GPSM2: variants seen among roughly 807,000 people sequenced by gnomAD.
GPSM2 encodes the protein G protein signaling modulator 2.
Under a neutral mutation model 78.4 loss-of-function variants are expected in GPSM2, and 58 were observed. The ratio of observed to expected loss-of-function variants is 0.74; its 90% CI spans 0.60 to 0.92. GPSM2 has a LOEUF of 0.92. Ranked by LOEUF, GPSM2 falls within the 40% of genes least tolerant of loss-of-function variation. The probability of loss-of-function intolerance (pLI) is 0.00; values close to 1 mark genes in which losing one functional copy is unlikely to be tolerated. For missense variants in GPSM2, 700 were observed against 815.5 expected, an observed-to-expected ratio of 0.86 and a Z score of 1.73; for synonymous variants, 224 against 280.2, an observed-to-expected ratio of 0.80 and a Z score of 2.00.
intron 11 of GPSM2, among the ~76,000 whole-genome samples, chr1:108,916,602 CATACTA>C (rs1650247998): frequency 6.6e-6 from 1 of 152,194 alleles, no homozygotes; most frequent in African/African-American, 2.4e-5. Context: ...CTTTTAGGAA[CATACTA>C]ATAAGTAGCA....
chr1:108,922,952 G>A (rs993170382), intron 13 of GPSM2, among the ~76,000 whole-genome samples: 4 of 152,096 alleles, frequency 2.6e-5, no homozygotes, highest in African/African-American at 7.2e-5. Flanking sequence ...CAATGATCGC[G>A]TTTGTGAATA....
At chr1:108,899,897 A>C (rs962923172) in intron 7 of GPSM2, among the ~76,000 whole-genome samples, 14 of 152,230 alleles carry the variant, frequency 9.2e-5, no homozygotes, top group African/African-American at 3.4e-4. Flanking sequence ...ACTAATGGTT[A>C]ATATTTGTTG....
chr1:108,897,185 A>G, intron 3 of GPSM2, 100 bp downstream of exon 3: 10 of 899,188 alleles, frequency 1.1e-5, no homozygotes, highest in Non-Finnish European at 1.8e-5. Flanking sequence ...AATACATTTA[A>G]TGAGTTCTAC....
intron 12 of GPSM2, among the ~76,000 whole-genome samples, chr1:108,920,703 A>G (rs1386154586): frequency 6.6e-6 from 1 of 152,118 alleles, no homozygotes; most frequent in African/African-American, 2.4e-5. Flanking sequence ...TATGACTAAT[A>G]AAAGGAAAAA....
chr1:108,903,343 G>T, intron 9 of GPSM2, 109 bp downstream of exon 9: 1 of 686,790 alleles, frequency 1.5e-6, no homozygotes. Flanking sequence ...TAATAAATTT[G>T]ATTATATATC....
At chr1:108,892,746 A>G (rs1648061737) in intron 2 of GPSM2, among the ~76,000 whole-genome samples, 1 of 152,188 alleles carries the variant, frequency 6.6e-6, no homozygotes, top group Non-Finnish European at 1.5e-5. Context: ...CTATTTAATG[A>G]TCTTCTAAAA....
At chr1:108,925,023 G>A (rs527332038) in intron 14 of GPSM2, among the ~76,000 whole-genome samples, 1 of 152,316 alleles carries the variant, frequency 6.6e-6, no homozygotes, top group Non-Finnish European at 1.5e-5. Context: ...GAAGTAGTTA[G>A]CATAGGGCTA....
intron 10 of GPSM2, among the ~76,000 whole-genome samples, chr1:108,908,369 TCAAAAA>T (rs1489047364): frequency 7.5e-6 from 1 of 133,202 alleles, no homozygotes; most frequent in Non-Finnish European, 1.6e-5. Flanking sequence ...AGACTCTGTC[TCAAAAA>T]CAAAAACAAA....
At chr1:108,907,525 A>G (rs567325351) in intron 10 of GPSM2, among the ~76,000 whole-genome samples, 5 of 152,358 alleles carry the variant, frequency 3.3e-5, no homozygotes, top group South Asian at 2.1e-4. Context: ...TAGGTCATCA[A>G]GTTCTTCAGA....
intron 10 of GPSM2, among the ~76,000 whole-genome samples, chr1:108,907,688 A>G (rs1163526121): frequency 6.6e-6 from 1 of 152,228 alleles, no homozygotes; most frequent in African/African-American, 2.4e-5. Flanking sequence ...CCAGGCACTG[A>G]TTTAAGTGCT....
At chr1:108,929,485 A>G in intron 14 of GPSM2, 1 of 583,764 alleles carries the variant, frequency 1.7e-6, no homozygotes, top group Admixed American at 3.0e-5. Flanking sequence ...AAGCCATTTT[A>G]AAGGAAAAAT....
chr1:108,896,722 A>C, intron 2 of GPSM2, 142 bp from the exon 3 acceptor site: 1 of 737,406 alleles, frequency 1.4e-6, no homozygotes, highest in Non-Finnish European at 2.4e-6. Context: ...TTACTGTTTT[A>C]TCAGGAATGT....
At position 108,885,397 on chromosome 1, in the gene GPSM2, G is replaced by A. The variant is rs1213221283; in HGVS notation, c.-126G>A. On this transcript the variant is annotated 5_prime_UTR_variant, in exon 2 of 15. Coordinates refer to ENST00000264126, the MANE Select transcript of GPSM2 (RefSeq NM_013296.5). ...TAATAAAGAAGAATCAGGAGCTTAG[G>A]ATGTATTAACACCAACTCATTAATA... is the stretch of plus-strand genomic sequence containing the variant. The A allele has an allele frequency of 1.7e-6, 1 of 598,546 alleles. No homozygotes were observed. The highest frequency in any genetic ancestry group is 3.0e-6 in the Non-Finnish European group (1 of 336,306). The allele number at this position is 598,546 out of a possible 1,614,324, so 37.1% of individuals were successfully genotyped here.
At chr1:108,893,494 GA>G (rs1406346780) in intron 2 of GPSM2, among the ~76,000 whole-genome samples, 1 of 152,028 alleles carries the variant, frequency 6.6e-6, no homozygotes, top group African/African-American at 2.4e-5. Context: ...TTGCTGCTGT[GA>G]ATATCCTTTC....
chr1:108,898,623 A>T lies in GPSM2; in HGVS notation c.558-19A>T. The T allele has an allele frequency of 1.2e-6, 2 of 1,612,246 alleles. No homozygotes were observed. The highest frequency in any genetic ancestry group is 1.7e-6 in the Non-Finnish European group (2 of 1,178,770). On this transcript the variant is annotated intron_variant, in intron 5 of 14. Transcript: ENST00000264126. ...TGTTCTGCAAACTTATTTTTTCATC[A>T]CTTTTTGCGATCCCTTAGGGAAAAC...
In GPSM2 at chr1:108,914,412, G is replaced by T. The variant is rs765613574; in HGVS notation, c.1263+4G>T. ...TATGAAGTTAACACCAGAAAAGGTG[G>T]GTGGCAGGTTTTATGTTTTAAATTT... On this transcript the variant is annotated splice_donor_region_variant and intron_variant, in intron 11 of 14. Transcript: ENST00000264126. The T allele has an allele frequency of 6.3e-7, 1 of 1,592,066 alleles. No homozygotes were observed. Among genetic ancestry groups the T allele is most frequent in the Non-Finnish European group, 8.6e-7 (1 of 1,160,740 alleles).
intron 1 of GPSM2, chr1:108,882,699 G>C (rs945778523): frequency 3.9e-5 from 6 of 152,150 alleles, no homozygotes; most frequent in African/African-American, 9.7e-5. Context: ...TGGATAACGG[G>C]AGATAATATC....
chr1:108,879,487 A>T (rs1018201780), intron 1 of GPSM2, among the ~76,000 whole-genome samples: 11 of 152,176 alleles, frequency 7.2e-5, no homozygotes, highest in Admixed American at 2.0e-4. Context: ...CAGAGATCCA[A>T]CTTGGCTATT....
intron 11 of GPSM2, among the ~76,000 whole-genome samples, chr1:108,915,909 A>G (rs1379997887): frequency 6.6e-6 from 1 of 152,038 alleles, no homozygotes; most frequent in East Asian, 1.9e-4. Context: ...TCATATGGAT[A>G]TTATAGACAC....
Sources: gnomAD v4.1 joint callset for allele counts (sites outside exome capture counted in the v4.1 genomes callset) on GRCh38, gnomAD v4.1.1 for gene constraint, MANE v1.5 for transcripts, NCBI Gene and HGNC (gene_info 2026-07-23, HGNC 2026-07-21) for gene names.